Variants in GKAP1 observed in about 807,000 individuals in gnomAD.
GKAP1 encodes the protein G kinase anchoring protein 1.
A neutral mutation model predicts 56.7 loss-of-function variants in GKAP1; 31 were observed. The observed-to-expected ratio is 0.55, with a 90% CI of 0.41 to 0.74. GKAP1 has a LOEUF of 0.74. Among genes scored for constraint, GKAP1 ranks in the 30% least tolerant of loss-of-function variants. The pLI, the probability that GKAP1 is intolerant of heterozygous loss-of-function variation, is 0.00. For synonymous variants in GKAP1, 151 were observed against 138.6 expected (o/e 1.09, Z -0.63); for missense variants, 364 against 402.3 (o/e 0.90, Z 0.82).
Position 83,792,545 on chromosome 9 carries a change from T to G in GKAP1, c.361-3867A>C, listed in dbSNP as rs573817638. Among the ~76,000 whole-genome samples the G allele has an allele frequency of 3.7e-4, 56 of 152,172 alleles. No homozygotes were observed. In the South Asian group the frequency reaches 6.0e-3, roughly 16 times the overall value. ...ATCAAGTTTTGGAACACTGACAATATGAAGTGTGAAAGAATCAAAGATAAG... is the reference window on the plus strand; with the variant it reads ...ATCAAGTTTTGGAACACTGACAATAGGAAGTGTGAAAGAATCAAAGATAAG... On this transcript the variant is annotated intron_variant, in intron 4 of 12. Coordinates refer to ENST00000376371, the MANE Select transcript of GKAP1 (RefSeq NM_025211.4).
intron 3 of GKAP1, among the ~76,000 whole-genome samples, chr9:83,804,845 T>TGG (rs575725738): frequency 1.4e-5 from 1 of 72,720 alleles, no homozygotes; most frequent in Non-Finnish European, 3.0e-5. Flanking sequence ...GGGAGGGAGG[T>TGG]GGGGGGTCAG....
chr9:83,786,251 A>C (rs902748606), intron 5 of GKAP1, among the ~76,000 whole-genome samples: 10 of 152,214 alleles, frequency 6.6e-5, no homozygotes, highest in Non-Finnish European at 1.0e-4. Context: ...AGAACAGAAA[A>C]TGCTATCCCA....
intron 3 of GKAP1, among the ~76,000 whole-genome samples, chr9:83,800,601 G>T (rs1250346839): frequency 6.6e-6 from 1 of 152,172 alleles, no homozygotes; most frequent in East Asian, 1.9e-4. Flanking sequence ...TCCCAAAAGT[G>T]TTGGGATTAC....
chr9:83,760,647 A>T (rs566699097), intron 8 of GKAP1, among the ~76,000 whole-genome samples: 2 of 152,310 alleles, frequency 1.3e-5, no homozygotes, highest in Admixed American at 1.3e-4. Context: ...CATTAACAAA[A>T]TTGAAGTAAT....
intron 7 of GKAP1, among the ~76,000 whole-genome samples, chr9:83,779,442 T>TACACACACACACAC (rs1298986099): frequency 7.1e-4 from 49 of 69,148 alleles, no homozygotes; most frequent in East Asian, 2.4e-3. Context: ...TATATATATA[T>TACACACACACACAC]ATATATACAC....
chr9:83,778,273 A>G (rs376914628), intron 7 of GKAP1, among the ~76,000 whole-genome samples: 1 of 152,226 alleles, frequency 6.6e-6, no homozygotes, highest in South Asian at 2.1e-4. Context: ...CACTGTTCAC[A>G]ATAGCAGACA....
chr9:83,765,830 T>C (rs1281357993), intron 8 of GKAP1, among the ~76,000 whole-genome samples: 1 of 152,188 alleles, frequency 6.6e-6, no homozygotes, highest in Non-Finnish European at 1.5e-5. Context: ...CTAACTTGCT[T>C]TTGACTTTAT....
At chr9:83,749,076 T>C (rs879313852) in intron 9 of GKAP1, 1 of 152,130 alleles carries the variant, frequency 6.6e-6, no homozygotes, top group South Asian at 2.1e-4. Context: ...TGGCTTAGCT[T>C]CTTCTCACAT....
chr9:83,752,551 T>C (rs1943408632), intron 9 of GKAP1, among the ~76,000 whole-genome samples: 1 of 151,846 alleles, frequency 6.6e-6, no homozygotes, highest in African/African-American at 2.4e-5. Flanking sequence ...GTTACCGGGG[T>C]GTGGAAAATG....
intron 3 of GKAP1, among the ~76,000 whole-genome samples, chr9:83,803,224 T>TCCCTCTCCCCTCTC (rs374838110): frequency 6.8e-5 from 10 of 146,130 alleles, no homozygotes; most frequent in African/African-American, 1.2e-4. Context: ...ACCATGTAGC[T>TCCCTCTCCCCTCTC]CCCTCTCCCC....
At chr9:83,770,251 CT>C (rs1449392885) in intron 7 of GKAP1, among the ~76,000 whole-genome samples, 1 of 152,112 alleles carries the variant, frequency 6.6e-6, no homozygotes, top group Non-Finnish European at 1.5e-5. Flanking sequence ...CAAAAATTTA[CT>C]CCTATATTTT....
At position 83,795,919 on chromosome 9, in the gene GKAP1, C is replaced by T. The variant is rs531541634; in HGVS notation, c.360+3266G>A. Among the ~76,000 whole-genome samples, 5 of 152,188 alleles carry T rather than the reference C, an allele frequency of 3.3e-5. No individual in the cohort carries two copies. In the East Asian group the frequency reaches 9.6e-4, roughly 29 times the overall value. On this transcript the variant is annotated intron_variant, in intron 4 of 12. Coordinates refer to ENST00000376371, the MANE Select transcript of GKAP1 (RefSeq NM_025211.4). ...CTAGATGTGAAATTCTTGGTCTTAA[C>T]ATTTTGGTTCTGGTGATTAAAGTAG...
At chr9:83,779,788 A>G (rs1403591265) in intron 7 of GKAP1, among the ~76,000 whole-genome samples, 3 of 151,854 alleles carry the variant, frequency 2.0e-5, no homozygotes, top group Non-Finnish European at 4.4e-5. Context: ...ATCTTCCTCA[A>G]TGTTAGAGCA....
At chr9:83,806,026 A>AGG (rs1412825193) in intron 3 of GKAP1, among the ~76,000 whole-genome samples, 5 of 152,066 alleles carry the variant, frequency 3.3e-5, no homozygotes, top group Non-Finnish European at 7.4e-5. Flanking sequence ...CTAAGGTGTG[A>AGG]GGCTACCTTG....
chr9:83,766,057 C>T (rs1309434961), intron 8 of GKAP1, among the ~76,000 whole-genome samples: 1 of 152,084 alleles, frequency 6.6e-6, no homozygotes, highest in Non-Finnish European at 1.5e-5. Context: ...TAATAATTCC[C>T]ATGAGTCCAG....
intron 9 of GKAP1, 37 bp downstream of exon 9, chr9:83,753,221 G>A (rs368564621): frequency 1.2e-5 from 15 of 1,207,346 alleles, no homozygotes; most frequent in Non-Finnish European, 1.8e-5. Flanking sequence ...AAAATTTATA[G>A]AATTATTTTC....
chr9:83,808,149 G>A (rs753389407), intron 2 of GKAP1, among the ~76,000 whole-genome samples: 17 of 152,120 alleles, frequency 1.1e-4, no homozygotes, highest in Non-Finnish European at 2.4e-4. Flanking sequence ...TTGATAAACC[G>A]TGACAGATTT....
chr9:83,799,062 A>G (rs1271427796), intron 4 of GKAP1, 123 bp downstream of exon 4: 1 of 772,552 alleles, frequency 1.3e-6, no homozygotes, highest in Non-Finnish European at 2.1e-6. Context: ...AAAGCAACAA[A>G]TATGAATTAA....
rs930269054 is a variant in GKAP1, at chr9:83,807,698, A to G, written c.-43-1138T>C. On this transcript the variant is annotated intron_variant, in intron 2 of 12. Coordinates refer to ENST00000376371, the MANE Select transcript of GKAP1 (RefSeq NM_025211.4). ...AGTTCTATTCTATGCCTTGATTCAC[A>G]GTGATCATATTTGAATGAACTGCTG... Among the ~76,000 whole-genome samples, 17 of 152,288 alleles carry G rather than the reference A, an allele frequency of 1.1e-4. No homozygotes were observed. In the East Asian group the frequency reaches 3.3e-3, roughly 29 times the overall value.
Sources: allele counts gnomAD v4.1 joint callset (sites outside exome capture counted in the v4.1 genomes callset), GRCh38; gene constraint gnomAD v4.1.1; transcripts MANE v1.5; gene names NCBI Gene and HGNC (gene_info 2026-07-23, HGNC 2026-07-21).